Variants in CPED1 observed in about 807,000 individuals in gnomAD.
CPED1 encodes cadherin like and PC-esterase domain containing 1.
CPED1 carries 114 observed loss-of-function variants against 128.2 expected under a neutral mutation model. The ratio of observed to expected loss-of-function variants is 0.89; its 90% CI spans 0.76 to 1.04. The LOEUF is 1.04. Among genes scored for constraint, CPED1 ranks in the 50% least tolerant of loss-of-function variants. The pLI is 0.00. For synonymous variants in CPED1, 462 were observed against 426.7 expected (o/e 1.08, Z -1.02); for missense variants, 1,211 against 1,207.1 (o/e 1.00, Z -0.05).
At chr7:121,160,905 CT>C (rs1315768563) in intron 16 of CPED1, among the ~76,000 whole-genome samples, 2 of 152,070 alleles carry the variant, frequency 1.3e-5, no homozygotes, top group Admixed American at 1.3e-4. Flanking sequence ...AACATCATGG[CT>C]TTTTTGAGGC....
At chr7:121,111,951 A>G (rs1485194562) in intron 7 of CPED1, among the ~76,000 whole-genome samples, 1 of 152,166 alleles carries the variant, frequency 6.6e-6, no homozygotes, top group Admixed American at 6.5e-5. Flanking sequence ...GCTCATCTCT[A>G]TAGGCAGATG....
At chr7:121,112,549 T>A (rs1563030036) in intron 7 of CPED1, among the ~76,000 whole-genome samples, 1 of 152,192 alleles carries the variant, frequency 6.6e-6, no homozygotes, top group Non-Finnish European at 1.5e-5. Flanking sequence ...CGTGGCCATG[T>A]GGACATCTTG....
In CPED1 at chr7:121,293,380, C is replaced by T. The variant is rs114613574; in HGVS notation, c.2869-2060C>T. Among the ~76,000 whole-genome samples the T allele has an allele frequency of 3.5e-3, 527 of 152,234 alleles. 3 individuals carry two copies. The highest frequency in any genetic ancestry group is 0.012 in the African/African-American group (500 of 41,538). On this transcript the variant is annotated intron_variant, in intron 22 of 22. Coordinates refer to ENST00000310396, the MANE Select transcript of CPED1 (RefSeq NM_024913.5). ...CCCACCAAGCTCGAGTGTCCCAGGT[C>T]GACTTCAGACTGCAGTGTTGGCAGT... is the stretch of plus-strand genomic sequence containing the variant.
intron 16 of CPED1, among the ~76,000 whole-genome samples, chr7:121,195,403 T>A (rs1453573934): frequency 6.6e-6 from 1 of 152,186 alleles, no homozygotes; most frequent in Non-Finnish European, 1.5e-5. Context: ...ACTGCTCATT[T>A]TCTAGTGTTT....
At position 121,139,283 on chromosome 7, in the gene CPED1, A is replaced by T. The variant is rs1322691339; in HGVS notation, c.1700-1544A>T. Among the ~76,000 whole-genome samples, 3 of 152,204 alleles carry T rather than the reference A, an allele frequency of 2.0e-5. No individual in the cohort carries two copies. The East Asian group carries it at 5.8e-4, about 29-fold the overall frequency. ...TATTTTTTATTAAGATTTTTTATGA[A>T]ATAAAATTACAGTATATCTATTGTA... On this transcript the variant is annotated intron_variant, in intron 14 of 22. Coordinates refer to ENST00000310396, the MANE Select transcript of CPED1 (RefSeq NM_024913.5).
At chr7:121,211,015 C>G (rs1797629410) in intron 16 of CPED1, among the ~76,000 whole-genome samples, 1 of 151,970 alleles carries the variant, frequency 6.6e-6, no homozygotes, top group Non-Finnish European at 1.5e-5. Context: ...TTGATCTACA[C>G]CATTATTTTT....
At chr7:121,085,917 CAG>C (rs1370367172) in intron 5 of CPED1, among the ~76,000 whole-genome samples, 1 of 152,168 alleles carries the variant, frequency 6.6e-6, no homozygotes, top group Non-Finnish European at 1.5e-5. Flanking sequence ...TTCTCCCGAA[CAG>C]AGTTTGGATA....
chr7:121,049,464 C>T lies in CPED1; in HGVS notation c.540+2471C>T, dbSNP rs978914402. Among the ~76,000 whole-genome samples the T allele has an allele frequency of 4.6e-5, 7 of 152,178 alleles. 1 individual carries two copies. Among genetic ancestry groups the T allele is most frequent in the African/African-American group, 1.7e-4 (7 of 41,432 alleles). On this transcript the variant is annotated intron_variant, in intron 4 of 22. Coordinates refer to ENST00000310396, the MANE Select transcript of CPED1 (RefSeq NM_024913.5). ...GCTACCCTCCAATCTCTTGCCAGTGCCTCCCATTGGTCCGAGCTAACTGCT... is the reference window on the plus strand; with the variant it reads ...GCTACCCTCCAATCTCTTGCCAGTGTCTCCCATTGGTCCGAGCTAACTGCT...
At chr7:121,130,512 C>T (rs978953031) in intron 12 of CPED1, among the ~76,000 whole-genome samples, 1 of 152,028 alleles carries the variant, frequency 6.6e-6, no homozygotes, top group African/African-American at 2.4e-5. Context: ...GTTTTTTAAA[C>T]CAACAAGACT....
chr7:121,264,044 C>A (rs954874061), intron 18 of CPED1, among the ~76,000 whole-genome samples: 1 of 151,930 alleles, frequency 6.6e-6, no homozygotes, highest in African/African-American at 2.4e-5. Flanking sequence ...CTACTTAATC[C>A]AATATGACTG....
intron 5 of CPED1, among the ~76,000 whole-genome samples, chr7:121,079,307 A>T (rs1309023173): frequency 6.6e-6 from 1 of 152,220 alleles, no homozygotes; most frequent in Non-Finnish European, 1.5e-5. Context: ...GGACAAAAAC[A>T]ATAGATGTGT....
At chr7:121,283,143 AT>A (rs1415497238) in intron 22 of CPED1, among the ~76,000 whole-genome samples, 1 of 152,208 alleles carries the variant, frequency 6.6e-6, no homozygotes, top group Non-Finnish European at 1.5e-5. Context: ...TTAAATCTAC[AT>A]TCCTGATTTT....
At chr7:121,033,895 A>G (rs1252941125) in intron 3 of CPED1, among the ~76,000 whole-genome samples, 2 of 152,214 alleles carry the variant, frequency 1.3e-5, no homozygotes, top group Non-Finnish European at 2.9e-5. Context: ...ATTAGAAATT[A>G]GTGGTTCTCT....
At chr7:121,070,087 AAC>A (rs1207197160) in intron 5 of CPED1, among the ~76,000 whole-genome samples, 1 of 151,732 alleles carries the variant, frequency 6.6e-6, no homozygotes, top group Non-Finnish European at 1.5e-5. Flanking sequence ...AATAGGTAAA[AAC>A]ACCTTTTGTT....
intron 18 of CPED1, among the ~76,000 whole-genome samples, chr7:121,248,229 T>G (rs1176921609): frequency 6.6e-6 from 1 of 152,160 alleles, no homozygotes; most frequent in African/African-American, 2.4e-5. Context: ...TGTGGTTTCA[T>G]GGGCTGGAAC....
intron 16 of CPED1, among the ~76,000 whole-genome samples, chr7:121,225,241 T>G (rs1441781114): frequency 6.6e-6 from 1 of 152,188 alleles, no homozygotes; most frequent in Non-Finnish European, 1.5e-5. Context: ...GAAGCTCAGT[T>G]TGACTGGATA....
intron 3 of CPED1, among the ~76,000 whole-genome samples, chr7:121,034,852 A>C (rs1792843332): frequency 6.6e-6 from 1 of 152,216 alleles, no homozygotes; most frequent in Non-Finnish European, 1.5e-5. Context: ...CTGAGTAGCA[A>C]GGCTATACAT....
chr7:121,010,764 AGC>A (rs1792143806), intron 2 of CPED1, among the ~76,000 whole-genome samples: 2 of 152,172 alleles, frequency 1.3e-5, no homozygotes, highest in Admixed American at 1.3e-4. Context: ...CAGTTAAGTC[AGC>A]TGTAAGATGC....
At chr7:121,063,961 A>C (rs923701774) in intron 4 of CPED1, among the ~76,000 whole-genome samples, 1 of 152,150 alleles carries the variant, frequency 6.6e-6, no homozygotes, top group African/African-American at 2.4e-5. Context: ...TTTTATATTT[A>C]GCAAATATCA....
Sources: allele counts gnomAD v4.1 joint callset (sites outside exome capture counted in the v4.1 genomes callset), GRCh38; gene constraint gnomAD v4.1.1; transcripts MANE v1.5; gene names NCBI Gene and HGNC (gene_info 2026-07-23, HGNC 2026-07-21).